The following SSBP2 variants were observed in gnomAD, a reference collection of about 807,000 sequenced individuals.
SSBP2 encodes single stranded DNA binding protein 2, also known as single-stranded DNA-binding protein 2.
In SSBP2, 17 loss-of-function variants were observed where a neutral mutation model predicts 61.8. The ratio of observed to expected loss-of-function variants is 0.28; its 90% CI spans 0.19 to 0.41. The LOEUF is 0.41. Ranked by LOEUF, SSBP2 falls within the 10% of genes least tolerant of loss-of-function variation. SSBP2 has a pLI of 1.00. For synonymous variants in SSBP2, 139 were observed against 141.3 expected, an observed-to-expected ratio of 0.98 and a Z score of 0.12; for missense variants, 310 against 458.7, an observed-to-expected ratio of 0.68 and a Z score of 2.96.
intron 12 of SSBP2, among the ~76,000 whole-genome samples, 178 bp downstream of exon 12, chr5:81,446,690 A>G (rs73766248): frequency 0.017 from 2,632 of 152,330 alleles, 90 homozygotes; most frequent in African/African-American, 0.06. Context: ...AATTTTCTAA[A>G]TGCTTAACTG....
intron 4 of SSBP2, among the ~76,000 whole-genome samples, chr5:81,547,112 A>C (rs998975528): frequency 6.6e-6 from 1 of 151,486 alleles, no homozygotes; most frequent in African/African-American, 2.4e-5. Flanking sequence ...CACCACCATA[A>C]AATGCTGGTG....
At chr5:81,501,260 TATATATATACAC>T (rs1338759686) in intron 5 of SSBP2, among the ~76,000 whole-genome samples, 907 of 48,962 alleles carry the variant, frequency 0.019, 119 homozygotes, top group African/African-American at 0.051. Context: ...TATATATATA[TATATATATACAC>T]ACACACACAC....
chr5:81,739,215 A>G (rs2154014498), intron 1 of SSBP2, among the ~76,000 whole-genome samples: 1 of 149,074 alleles, frequency 6.7e-6, no homozygotes, highest in East Asian at 2.0e-4. Context: ...TCCTAGGTCA[A>G]GTTGTCATTT....
chr5:81,689,034 A>T (rs1375985694), intron 1 of SSBP2, among the ~76,000 whole-genome samples: 1 of 152,038 alleles, frequency 6.6e-6, no homozygotes, highest in Non-Finnish European at 1.5e-5. Flanking sequence ...TTGAAATATT[A>T]ATAAAAAGAA....
chr5:81,542,817 T>TCTCTCTCTCTCTCTCTCTC (rs1771383467), intron 4 of SSBP2, among the ~76,000 whole-genome samples: 1 of 106,724 alleles, frequency 9.4e-6, no homozygotes, highest in Non-Finnish European at 1.9e-5. Context: ...ATTTGACAGT[T>TCTCTCTCTCTCTCTCTCTC]TCTCTCTCTC....
chr5:81,492,441 T>A (rs1580823211), intron 5 of SSBP2, among the ~76,000 whole-genome samples: 1 of 152,186 alleles, frequency 6.6e-6, no homozygotes, highest in Non-Finnish European at 1.5e-5. Context: ...GAGGCGGAGG[T>A]TGCAGTGAAC....
intron 4 of SSBP2, among the ~76,000 whole-genome samples, chr5:81,565,858 G>A (rs1309374675): frequency 3.3e-5 from 5 of 152,142 alleles, no homozygotes; most frequent in Non-Finnish European, 7.4e-5. Flanking sequence ...CATGTTCAAA[G>A]AGGAAATGTT....
intron 4 of SSBP2, among the ~76,000 whole-genome samples, chr5:81,599,178 G>A (rs1424480425): frequency 1.3e-5 from 2 of 152,062 alleles, no homozygotes; most frequent in Admixed American, 6.6e-5. Flanking sequence ...GAAGGATGAC[G>A]AATACTCAAC....
intron 4 of SSBP2, among the ~76,000 whole-genome samples, chr5:81,559,181 T>C (rs552412098): frequency 6.6e-6 from 1 of 151,734 alleles, no homozygotes; most frequent in East Asian, 1.9e-4. Flanking sequence ...AGGTCAGGAG[T>C]TCGAGACCAG....
chr5:81,588,119 C>T (rs1775213378), intron 4 of SSBP2, among the ~76,000 whole-genome samples: 2 of 152,046 alleles, frequency 1.3e-5, no homozygotes, highest in African/African-American at 4.8e-5. Flanking sequence ...GTGTATGCCA[C>T]CATGCCTAGC....
At chr5:81,723,781 C>T (rs1024701979) in intron 1 of SSBP2, among the ~76,000 whole-genome samples, 9 of 151,906 alleles carry the variant, frequency 5.9e-5, no homozygotes, top group South Asian at 2.1e-4. Flanking sequence ...GGACCAGACA[C>T]GGTATATATC....
At chr5:81,554,515 A>G (rs1277520957) in intron 4 of SSBP2, among the ~76,000 whole-genome samples, 3 of 151,542 alleles carry the variant, frequency 2.0e-5, no homozygotes, top group Non-Finnish European at 4.4e-5. Flanking sequence ...TAAAAACACT[A>G]TGTATATCCA....
intron 10 of SSBP2, among the ~76,000 whole-genome samples, chr5:81,456,853 T>G (rs986904217): frequency 8.5e-5 from 13 of 152,200 alleles, no homozygotes; most frequent in African/African-American, 3.1e-4. Context: ...ATACATATAT[T>G]ATGGATAAGA....
At chr5:81,532,565 A>T (rs1770498558) in intron 4 of SSBP2, among the ~76,000 whole-genome samples, 2 of 152,032 alleles carry the variant, frequency 1.3e-5, no homozygotes, top group African/African-American at 2.4e-5. Flanking sequence ...AAAGATTTTT[A>T]AAAATTAAAT....
chr5:81,578,261 T>G (rs941603839), intron 4 of SSBP2, among the ~76,000 whole-genome samples: 27 of 151,946 alleles, frequency 1.8e-4, no homozygotes, highest in Admixed American at 1.5e-3. Flanking sequence ...AGAGTATACT[T>G]AAATTACAGA....
intron 4 of SSBP2, among the ~76,000 whole-genome samples, chr5:81,572,357 T>C (rs1331525782): frequency 6.6e-6 from 1 of 152,190 alleles, no homozygotes; most frequent in Non-Finnish European, 1.5e-5. Context: ...AATTATCCTA[T>C]TGGAGAATAC....
intron 7 of SSBP2, among the ~76,000 whole-genome samples, chr5:81,474,128 A>G (rs1263266223): frequency 2.0e-5 from 3 of 152,158 alleles, no homozygotes; most frequent in Non-Finnish European, 4.4e-5. Flanking sequence ...GCTGCTTAGC[A>G]CCTTCTTTCC....
intron 2 of SSBP2, among the ~76,000 whole-genome samples, chr5:81,643,536 T>C (rs1748978121): frequency 6.6e-6 from 1 of 151,642 alleles, no homozygotes; most frequent in African/African-American, 2.4e-5. Context: ...AGCATGAGTA[T>C]ATCTATATAC....
intron 4 of SSBP2, among the ~76,000 whole-genome samples, chr5:81,566,904 G>A (rs1773463242): frequency 6.6e-6 from 1 of 152,118 alleles, no homozygotes. Context: ...AGAGATTTTT[G>A]GAACTTTGAA....
Sources: allele counts gnomAD v4.1 joint callset (sites outside exome capture counted in the v4.1 genomes callset), GRCh38; gene constraint gnomAD v4.1.1; transcripts MANE v1.5; gene names NCBI Gene and HGNC (gene_info 2026-07-23, HGNC 2026-07-21).